The following NPAS3 variants were observed in gnomAD, a reference collection of about 807,000 sequenced individuals.
NPAS3 encodes neuronal PAS domain protein 3.
NPAS3 carries 14 observed loss-of-function variants against 73.1 expected under a neutral mutation model. That is an observed-to-expected ratio of 0.19 (90% confidence interval 0.13 to 0.30). The LOEUF (loss-of-function observed/expected upper bound fraction) is 0.30. Ranked by LOEUF, NPAS3 falls within the 10% of genes least tolerant of loss-of-function variation. NPAS3 has a pLI of 1.00. For missense variants in NPAS3, 1,096 were observed against 1,250.0 expected (o/e 0.88, Z 1.86); for synonymous variants, 620 against 541.5 (o/e 1.14, Z -2.01).
intron 7 of NPAS3, among the ~76,000 whole-genome samples, chr14:33,773,491 A>G (rs575815777): frequency 1.3e-5 from 2 of 152,126 alleles, no homozygotes; most frequent in African/African-American, 4.8e-5. Flanking sequence ...CCCTTTTATG[A>G]TTTTGTTTCC....
In NPAS3 at chr14:32,978,195, T is replaced by A. The variant is rs567588939; in HGVS notation, c.50+38829T>A. 1.2e-4 allele frequency among the ~76,000 whole-genome samples: 18 copies of A among 152,282 alleles called. No individual in the cohort carries two copies. In the South Asian group the frequency reaches 3.7e-3, roughly 32 times the overall value. On this transcript the variant is annotated intron_variant, in intron 1 of 11. Coordinates refer to ENST00000356141, the Ensembl canonical transcript of NPAS3. Reference sequence around the variant, plus strand: ...GACTCCAAATATCAAGGGTCTAGTTTTTAGCTATGTGTATGTATTCTGCTT... The same window carrying A: ...GACTCCAAATATCAAGGGTCTAGTTATTAGCTATGTGTATGTATTCTGCTT...
At chr14:33,576,090 G>C (rs370254006) in intron 5 of NPAS3, among the ~76,000 whole-genome samples, 40 of 152,172 alleles carry the variant, frequency 2.6e-4, no homozygotes, top group African/African-American at 9.2e-4. Context: ...ATCTACGCCT[G>C]CTTGCAAAAG....
chr14:33,726,919 G>A (rs1218814377), intron 6 of NPAS3, among the ~76,000 whole-genome samples: 1 of 152,150 alleles, frequency 6.6e-6, no homozygotes. Context: ...CGTGGAGAGT[G>A]ACACTTGCGT....
intron 3 of NPAS3, among the ~76,000 whole-genome samples, chr14:33,364,022 CAAAT>C (rs961857281): frequency 1.3e-5 from 2 of 151,372 alleles, no homozygotes; most frequent in African/African-American, 4.9e-5. Context: ...GTTGAACAAA[CAAAT>C]AAATGAAATA....
At chr14:33,298,892 C>T (rs758724111) in intron 3 of NPAS3, among the ~76,000 whole-genome samples, 4 of 152,078 alleles carry the variant, frequency 2.6e-5, no homozygotes, top group African/African-American at 4.8e-5. Flanking sequence ...TCCTATTTGC[C>T]AACCCCAACC....
chr14:33,023,368 AAT>A (rs144264867), intron 1 of NPAS3, among the ~76,000 whole-genome samples: 3,751 of 152,266 alleles, frequency 0.025, 69 homozygotes, highest in Middle Eastern at 0.044. Context: ...TTTTGGAATG[AAT>A]ATTTTTTTTC....
chr14:33,787,472 G>A (rs7160538), intron 9 of NPAS3, among the ~76,000 whole-genome samples: 8,184 of 151,720 alleles, frequency 0.054, 729 homozygotes, highest in African/African-American at 0.18. Context: ...TATTAGGGGG[G>A]AAAATCCATC....
intron 3 of NPAS3, among the ~76,000 whole-genome samples, chr14:33,264,580 G>A (rs763653480): frequency 7.9e-4 from 120 of 152,128 alleles, no homozygotes; most frequent in Admixed American, 2.2e-3. Context: ...TTTATTAGGA[G>A]AGGTAGATAT....
At chr14:33,479,320 A>G (rs528837102) in intron 4 of NPAS3, among the ~76,000 whole-genome samples, 1 of 152,168 alleles carries the variant, frequency 6.6e-6, no homozygotes, top group East Asian at 1.9e-4. Flanking sequence ...CTAGATGTAT[A>G]TTACTGGTAC....
chr14:33,474,396 G>A lies in NPAS3; in HGVS notation c.469-85725G>A, dbSNP rs1453806507. On this transcript the variant is annotated intron_variant, in intron 4 of 11. Transcript: ENST00000356141. ...AGTATGTTTAGTAAAAATAATCAAG[G>A]AAACTGCCTATACAAACATACAAAA... Among the ~76,000 whole-genome samples the A allele has an allele frequency of 3.3e-5, 5 of 152,016 alleles. No individual in the cohort carries two copies. In the East Asian group the frequency reaches 9.6e-4, roughly 29 times the overall value.
chr14:33,469,298 T>TAAAA (rs564336534), intron 4 of NPAS3, among the ~76,000 whole-genome samples: 6,652 of 142,280 alleles, frequency 0.047, 305 homozygotes, highest in East Asian at 0.24. Context: ...AAGTTTTCTT[T>TAAAA]AAAAAAAAAA....
chr14:32,946,890 C>G (rs894305390), intron 1 of NPAS3, among the ~76,000 whole-genome samples: 2 of 152,164 alleles, frequency 1.3e-5, no homozygotes, highest in African/African-American at 4.8e-5. Flanking sequence ...TAACCACCAT[C>G]AGATCATCTT....
At chr14:33,388,639 GGAGAAGGAGCT>G (rs2046873880) in intron 4 of NPAS3, among the ~76,000 whole-genome samples, 1 of 152,068 alleles carries the variant, frequency 6.6e-6, no homozygotes. Context: ...AGATTGCAAT[GGAGAAGGAGCT>G]GAGACATGTT....
chr14:32,951,101 T>G (rs1479476089), intron 1 of NPAS3, among the ~76,000 whole-genome samples: 1 of 152,104 alleles, frequency 6.6e-6, no homozygotes, highest in Non-Finnish European at 1.5e-5. Flanking sequence ...GCATAAATCC[T>G]GGTCACCAGT....
chr14:33,468,841 A>G (rs1031213604), intron 4 of NPAS3, among the ~76,000 whole-genome samples: 1 of 152,190 alleles, frequency 6.6e-6, no homozygotes, highest in African/African-American at 2.4e-5. Context: ...CTGTCACACA[A>G]TTCTTTAAAG....
At chr14:33,106,036 C>T (rs925656893) in intron 2 of NPAS3, among the ~76,000 whole-genome samples, 1 of 152,154 alleles carries the variant, frequency 6.6e-6, no homozygotes, top group Non-Finnish European at 1.5e-5. Context: ...TACCAGCTTT[C>T]TGTAAGTGCA....
intron 3 of NPAS3, among the ~76,000 whole-genome samples, chr14:33,232,184 C>T (rs2047876990): frequency 6.6e-6 from 1 of 152,130 alleles, no homozygotes; most frequent in South Asian, 2.1e-4. Flanking sequence ...TGTGAGTAAA[C>T]TCCACAAGAA....
At chr14:33,651,215 A>G (rs1007025727) in intron 5 of NPAS3, among the ~76,000 whole-genome samples, 2 of 152,106 alleles carry the variant, frequency 1.3e-5, no homozygotes, top group African/African-American at 4.8e-5. Flanking sequence ...TCTCCCGCCA[A>G]AGTGCTGCAC....
At chr14:33,349,020 A>G (rs1001018307) in intron 3 of NPAS3, among the ~76,000 whole-genome samples, 3 of 152,144 alleles carry the variant, frequency 2.0e-5, no homozygotes, top group African/African-American at 7.2e-5. Flanking sequence ...GTGGGCATCC[A>G]TCAGAAACTG....
Sources: allele counts gnomAD v4.1 joint callset (sites outside exome capture counted in the v4.1 genomes callset), GRCh38; gene constraint gnomAD v4.1.1; transcripts MANE v1.5; gene names NCBI Gene and HGNC (gene_info 2026-07-23, HGNC 2026-07-21).